UBASH3B: variants seen among roughly 807,000 people sequenced by gnomAD.
UBASH3B encodes ubiquitin-associated and SH3 domain-containing protein B.
UBASH3B carries 37 observed loss-of-function variants against 83.4 expected under a neutral mutation model. That is an observed-to-expected ratio of 0.44 (90% CI 0.34 to 0.58). The LOEUF (loss-of-function observed/expected upper bound fraction) is 0.58, where lower values mean the gene tolerates loss of function less well. Among genes scored for constraint, UBASH3B ranks in the 20% least tolerant of loss-of-function variants. UBASH3B has a pLI of 0.01. For missense variants in UBASH3B, 657 were observed against 827.2 expected, an observed-to-expected ratio of 0.79 and a Z score of 2.52; for synonymous variants, 304 against 318.3, an observed-to-expected ratio of 0.96 and a Z score of 0.48.
chr11:122,744,063 C>T lies in UBASH3B; in HGVS notation c.162-32156C>T, dbSNP rs74911332. Among the ~76,000 whole-genome samples the T allele has an allele frequency of 2.8e-3, 419 of 152,328 alleles. 1 individual carries two copies. Among genetic ancestry groups the T allele is most frequent in the African/African-American group, 9.6e-3 (400 of 41,578 alleles). On this transcript the variant is annotated intron_variant, in intron 1 of 13. Coordinates refer to ENST00000284273, the MANE Select transcript of UBASH3B (RefSeq NM_032873.5). ...CTCCTGCCTGTGAGGGAGACCCAGG[C>T]GTCAGTGAGATGTCCCTTTTGAATC...
In UBASH3B at chr11:122,789,308, G is replaced by A; in HGVS notation, c.980G>A (p.Gly327Asp). ...GAATGCAGCACCTGGATATTTCATG[G>A]GTAAGCAGACACAAAGACCTTTATG... The part of the protein sequence containing the change: ...ADECSTWIFH[G>D]SYSILNTSSS... The change falls in exon 6 of 14, where the codon GGT becomes GAT. Residue 327 changes from glycine (G) to aspartate (D), a missense_variant and splice_region_variant. Gly to Asp is a moderately conservative substitution (Grantham distance 94, BLOSUM62 -1). Transcript: ENST00000284273. The A allele has an allele frequency of 1.9e-6, 3 of 1,614,174 alleles. No homozygotes were observed. Among genetic ancestry groups the A allele is most frequent in the East Asian group, 2.2e-5 (1 of 44,888 alleles).
chr11:122,689,272 C>T (rs887404870), intron 1 of UBASH3B, among the ~76,000 whole-genome samples: 2 of 152,054 alleles, frequency 1.3e-5, no homozygotes, highest in African/African-American at 4.8e-5. Flanking sequence ...AATTTGCTGT[C>T]AATTGTTTGT....
At chr11:122,664,393 C>T (rs1178557357) in intron 1 of UBASH3B, among the ~76,000 whole-genome samples, 1 of 152,068 alleles carries the variant, frequency 6.6e-6, no homozygotes, top group Non-Finnish European at 1.5e-5. Flanking sequence ...GTGACAGACT[C>T]AGCCAAGCAG....
chr11:122,799,023 A>C lies in UBASH3B; in HGVS notation c.1439A>C (p.Asn480Thr). 6.2e-7 allele frequency: 1 copy of C among 1,614,008 alleles called. No individual in the cohort carries two copies. The highest frequency in any genetic ancestry group is 2.2e-5 in the East Asian group (1 of 44,876). The change falls in exon 10 of 14, where the codon AAT becomes ACT. Residue 480 changes from asparagine (N) to threonine (T), a missense_variant. Coordinates refer to ENST00000284273, the MANE Select transcript of UBASH3B (RefSeq NM_032873.5). ...CTTCGCTGCGTTCAGACTGCACACA[A>C]TATCTTGAAAGGTAAGACTTGCAGG... ...PSLRCVQTAH[N>T]ILKGLQQENH...
At chr11:122,760,219 A>G (rs1861347346) in intron 1 of UBASH3B, among the ~76,000 whole-genome samples, 2 of 152,336 alleles carry the variant, frequency 1.3e-5, no homozygotes, top group African/African-American at 4.8e-5. Context: ...CCTGGCTGGT[A>G]AGGGTGCCCA....
At chr11:122,712,455 C>G (rs1451970138) in intron 1 of UBASH3B, among the ~76,000 whole-genome samples, 2 of 151,964 alleles carry the variant, frequency 1.3e-5, no homozygotes, top group African/African-American at 4.8e-5. Flanking sequence ...GAGGGGCTTT[C>G]TCAGCAGCCC....
intron 1 of UBASH3B, among the ~76,000 whole-genome samples, chr11:122,702,243 C>T (rs1864048568): frequency 6.6e-6 from 1 of 152,108 alleles, no homozygotes; most frequent in African/African-American, 2.4e-5. Flanking sequence ...AATCCAAGTC[C>T]AACATAGTTA....
rs1304068184 is a variant in UBASH3B at position 122,758,399 on chromosome 11, A to G, written c.162-17820A>G. Among the ~76,000 whole-genome samples, 2 of 152,250 alleles carry G rather than the reference A, an allele frequency of 1.3e-5. No individual in the cohort carries two copies. Among genetic ancestry groups the G allele is most frequent in the Admixed American group, 1.3e-4 (2 of 15,288 alleles). ...TAGAATTTCCTGAGATTTCAGCTGC[A>G]GAGTAAGCCTCCAGAGCATCTGCCA... On this transcript the variant is annotated intron_variant, in intron 1 of 13. Coordinates refer to ENST00000284273, the MANE Select transcript of UBASH3B (RefSeq NM_032873.5). This position sits in a 1 kb window ranked among gnomAD's most constrained non-coding sequence, Gnocchi z 4.2.
chr11:122,784,811 C>A (rs1860919076), intron 5 of UBASH3B, among the ~76,000 whole-genome samples: 1 of 152,128 alleles, frequency 6.6e-6, no homozygotes, highest in Admixed American at 6.5e-5. Flanking sequence ...TCTGACTCTG[C>A]TGATGGGAAC....
At chr11:122,720,365 A>G (rs1860603411) in intron 1 of UBASH3B, among the ~76,000 whole-genome samples, 1 of 152,082 alleles carries the variant, frequency 6.6e-6, no homozygotes, top group South Asian at 2.1e-4. Context: ...AATCCCTGGC[A>G]TTCTCTCTTG....
chr11:122,683,871 T>C (rs906651027), intron 1 of UBASH3B, among the ~76,000 whole-genome samples: 1 of 151,980 alleles, frequency 6.6e-6, no homozygotes, highest in Non-Finnish European at 1.5e-5. Flanking sequence ...ATTTTTTTAT[T>C]TGTAATTTTC....
chr11:122,779,210 C>T (rs749986252), intron 3 of UBASH3B, among the ~76,000 whole-genome samples: 34 of 152,316 alleles, frequency 2.2e-4, no homozygotes, highest in South Asian at 1.0e-3. Context: ...TTCTTGCTTT[C>T]GGCTCAACCA....
intron 3 of UBASH3B, among the ~76,000 whole-genome samples, chr11:122,778,851 C>T (rs540521302): frequency 3.3e-5 from 5 of 152,148 alleles, no homozygotes; most frequent in Admixed American, 6.5e-5. Flanking sequence ...GTGATCTGCC[C>T]GCCTCAGCCT....
intron 1 of UBASH3B, among the ~76,000 whole-genome samples, chr11:122,715,192 G>A (rs1304798714): frequency 3.9e-5 from 6 of 152,104 alleles, no homozygotes; most frequent in African/African-American, 9.7e-5. Flanking sequence ...TGATCCGCCC[G>A]CCTCGGCCTC....
intron 1 of UBASH3B, among the ~76,000 whole-genome samples, chr11:122,685,604 C>A (rs189824305): frequency 8.3e-4 from 126 of 152,336 alleles, no homozygotes; most frequent in Non-Finnish European, 1.5e-3. Flanking sequence ...GCAACCTCCA[C>A]TTCCTGGGTT....
intron 1 of UBASH3B, among the ~76,000 whole-genome samples, chr11:122,770,587 G>C (rs1860625892): frequency 6.6e-6 from 1 of 152,040 alleles, no homozygotes. Flanking sequence ...AGACAAGAAA[G>C]TGCAGTCAAG....
At chr11:122,766,637 G>A (rs1464450966) in intron 1 of UBASH3B, among the ~76,000 whole-genome samples, 2 of 148,572 alleles carry the variant, frequency 1.3e-5, no homozygotes, top group Non-Finnish European at 3.0e-5. Context: ...CAGCTACTCA[G>A]GAGGCTGAGG....
At chr11:122,671,835 G>A (rs562337620) in intron 1 of UBASH3B, among the ~76,000 whole-genome samples, 1 of 152,332 alleles carries the variant, frequency 6.6e-6, no homozygotes, top group African/African-American at 2.4e-5. Context: ...TAAACAGACG[G>A]TTGCTGTTTG....
At chr11:122,750,747 T>G (rs1861186716) in intron 1 of UBASH3B, among the ~76,000 whole-genome samples, 1 of 152,186 alleles carries the variant, frequency 6.6e-6, no homozygotes, top group Admixed American at 6.5e-5. Context: ...TTTAAGATCC[T>G]AGTCCAAGCT....
Sources: allele counts gnomAD v4.1 joint callset (sites outside exome capture counted in the v4.1 genomes callset), GRCh38; gene constraint gnomAD v4.1.1; non-coding constraint Gnocchi (gnomAD v3.1); transcripts MANE v1.5; gene names NCBI Gene and HGNC (gene_info 2026-07-23, HGNC 2026-07-21).